MEF2D: variants seen among roughly 807,000 people sequenced by gnomAD.
MEF2D encodes myocyte enhancer factor 2D, also known as myocyte-specific enhancer factor 2D.
Under a neutral mutation model 59.3 loss-of-function variants are expected in MEF2D, and 10 were observed. The observed-to-expected ratio is 0.17, with a 90% confidence interval of 0.10 to 0.29. The LOEUF (loss-of-function observed/expected upper bound fraction) is 0.29, where lower values mean the gene tolerates loss of function less well. Ranked by LOEUF, MEF2D falls within the 10% of genes least tolerant of loss-of-function variation. The pLI, the probability that MEF2D is intolerant of heterozygous loss-of-function variation, is 1.00. For missense variants in MEF2D, 508 were observed against 699.4 expected (o/e 0.73, Z 3.09); for synonymous variants, 305 against 295.0 (o/e 1.03, Z -0.35).
rs1484869298 is a variant in MEF2D, at chr1:156,467,645, T to C, written c.1566A>G (p.Ter522TrpextTer11). 7.6e-7 allele frequency: 1 copy of C among 1,320,624 alleles called. No individual in the cohort carries two copies. The highest frequency in any genetic ancestry group is 2.8e-5 in the East Asian group (1 of 35,808). 81.8% of individuals were successfully genotyped at this position (1,320,624 alleles called of 1,614,324 possible). Residue 522 changes from the stop codon to tryptophan, a stop_lost, in exon 12 of 12, where the codon TGA becomes TGG. Transcript: ENST00000348159. ...GCTGAGAGGAGGGGAGTGGGAATCG[T>C]CACTTTAATGTCTGTGAAGAGAGGA... is the stretch of plus-strand genomic sequence containing the variant. The part of the protein sequence containing the change: ...RMRLDTWTLK[*>W]
chr1:156,494,678 A>G (rs780935760), intron 1 of MEF2D, among the ~76,000 whole-genome samples: 1 of 152,230 alleles, frequency 6.6e-6, no homozygotes, highest in Non-Finnish European at 1.5e-5. Context: ...GAGAGAAAAG[A>G]TGCAACCATC....
intron 4 of MEF2D, 199 bp downstream of exon 4, chr1:156,480,635 C>T (rs1412568433): frequency 7.8e-6 from 12 of 1,546,124 alleles, no homozygotes; most frequent in East Asian, 2.4e-5. Flanking sequence ...CTCCATGCGA[C>T]TACTCACGGC....
intron 1 of MEF2D, among the ~76,000 whole-genome samples, chr1:156,495,570 G>A (rs1039730602): frequency 6.6e-6 from 1 of 151,902 alleles, no homozygotes; most frequent in Non-Finnish European, 1.5e-5. Flanking sequence ...TACCTGGAAG[G>A]CTGAGGCCGG....
rs1671009286 is a variant in MEF2D at position 156,468,429 on chromosome 1, G to C, written c.1248-130C>G. 4 of 684,328 alleles carry C rather than the reference G, an allele frequency of 5.8e-6. No homozygotes were observed. Among genetic ancestry groups the C allele is most frequent in the East Asian group, 2.8e-5 (1 of 36,132 alleles). 42.4% of individuals were successfully genotyped at this position (684,328 alleles called of 1,614,324 possible). A position where few individuals can be genotyped will look rare whatever the true frequency, so the allele number is the denominator to read the frequency against. On this transcript the variant is annotated intron_variant, in intron 10 of 11. Transcript: ENST00000348159. This position sits in a 1 kb window ranked among gnomAD's most constrained non-coding sequence, Gnocchi z 4.3. ...ATGAGAATATGGGGGATGGGGTGTT[G>C]GGGAGAGGCAATTGGATGGAGAGTG...
chr1:156,476,628 T>G, intron 7 of MEF2D, 114 bp from the exon 8 acceptor site: 1 of 1,281,218 alleles, frequency 7.8e-7, no homozygotes, highest in Non-Finnish European at 1.1e-6. Flanking sequence ...AGGGTGGCTC[T>G]ACCCAGCCTA....
At chr1:156,491,510 AC>A (rs1054081860) in intron 1 of MEF2D, among the ~76,000 whole-genome samples, 1 of 151,994 alleles carries the variant, frequency 6.6e-6, no homozygotes, top group Non-Finnish European at 1.5e-5. Flanking sequence ...CTAAACAGTA[AC>A]CCCCCAACAG....
chr1:156,482,879 C>G (rs1672111049), intron 2 of MEF2D, among the ~76,000 whole-genome samples: 1 of 152,186 alleles, frequency 6.6e-6, no homozygotes, highest in Non-Finnish European at 1.5e-5. Context: ...TTCAGGTGGA[C>G]AGAACTCCAC....
chr1:156,497,601 G>A (rs1317436464), intron 1 of MEF2D, among the ~76,000 whole-genome samples: 1 of 152,198 alleles, frequency 6.6e-6, no homozygotes, highest in Non-Finnish European at 1.5e-5. Context: ...CTCTTTTCCA[G>A]TAAGGCCACC....
At chr1:156,473,138 C>T (rs973774410) in intron 9 of MEF2D, among the ~76,000 whole-genome samples, 1 of 152,124 alleles carries the variant, frequency 6.6e-6, no homozygotes, top group African/African-American at 2.4e-5. Context: ...CTGCCTCTGC[C>T]TCCAGAGCAG....
rs1473597557 is a variant in MEF2D at position 156,468,185 on chromosome 1, G to T, written c.1362C>A (p.Pro454=). 1.2e-6 allele frequency: 2 copies of T among 1,613,846 alleles called. No homozygotes were observed. The highest frequency in any genetic ancestry group is 1.7e-6 in the Non-Finnish European group (2 of 1,179,836). Residue 454 remains proline, a synonymous_variant, in exon 11 of 12, where the codon CCC becomes CCA. Coordinates refer to ENST00000348159, the MANE Select transcript of MEF2D (RefSeq NM_005920.4). The surrounding 1 kb of genome is among the most constrained non-coding windows in gnomAD (Gnocchi z 4.3). The part of the protein sequence containing the change: ...SPSRERSPAP[P]PPAVFPAARP... ...GGGCAGCTGGGAACACAGCTGGAGG[G>T]GGAGGCGCAGGGCTGCGCTCACGGC...
Position 156,477,208 on chromosome 1 carries a change from GAAGTGACAACAAGAGGGTAAA to G in MEF2D, c.665-27_665-7del, listed in dbSNP as rs780218322. 6.3e-7 allele frequency: 1 copy of G among 1,589,990 alleles called. No homozygotes were observed. Among genetic ancestry groups the G allele is most frequent in the East Asian group, 2.2e-5 (1 of 44,620 alleles). Reference sequence around the variant, plus strand: ...AGCACTGACGTAGCCATTCCCTGGAGAAGTGACAACAAGAGGGTAAAAGGAAAAACATGGGCCTATCCTTCA... The same window carrying G: ...AGCACTGACGTAGCCATTCCCTGGAGAGGAAAAACATGGGCCTATCCTTCA... On this transcript the variant is annotated splice_region_variant and splice_polypyrimidine_tract_variant and intron_variant, in intron 6 of 11. Transcript: ENST00000348159.
chr1:156,486,315 G>C (rs928436329), intron 1 of MEF2D, among the ~76,000 whole-genome samples: 4 of 151,414 alleles, frequency 2.6e-5, no homozygotes, highest in African/African-American at 7.4e-5. Context: ...GCAATCCAAA[G>C]ACTGTGCTTT....
chr1:156,482,054 A>G (rs1489310901), intron 3 of MEF2D, among the ~76,000 whole-genome samples: 1 of 152,268 alleles, frequency 6.6e-6, no homozygotes, highest in East Asian at 1.9e-4. Context: ...GGAGATTTAA[A>G]AAAGGAAGAG....
At chr1:156,487,001 C>T (rs1672415866) in intron 1 of MEF2D, among the ~76,000 whole-genome samples, 1 of 152,212 alleles carries the variant, frequency 6.6e-6, no homozygotes. Flanking sequence ...TACCCTCCAA[C>T]CACCCCTGGT....
chr1:156,494,121 T>C (rs577512673), intron 1 of MEF2D, among the ~76,000 whole-genome samples: 31 of 152,190 alleles, frequency 2.0e-4, no homozygotes, highest in African/African-American at 7.2e-4. Flanking sequence ...CCATCATCCC[T>C]CACCAAAAGC....
At chr1:156,482,025 GA>G (rs1672054765) in intron 3 of MEF2D, among the ~76,000 whole-genome samples, 1 of 152,268 alleles carries the variant, frequency 6.6e-6, no homozygotes, top group South Asian at 2.1e-4. Flanking sequence ...GAGACAGCAG[GA>G]GAGATGGAAA....
chr1:156,485,248 G>C (rs1213349900), intron 1 of MEF2D, among the ~76,000 whole-genome samples: 1 of 152,158 alleles, frequency 6.6e-6, no homozygotes, highest in African/African-American at 2.4e-5. Context: ...TGGCTGCTGA[G>C]TTTCCCTGGA....
intron 9 of MEF2D, among the ~76,000 whole-genome samples, chr1:156,471,380 T>G (rs1375855190): frequency 6.6e-6 from 1 of 152,184 alleles, no homozygotes; most frequent in Non-Finnish European, 1.5e-5. Flanking sequence ...CTGCCCACCC[T>G]GGCCTCCCAA....
chr1:156,468,406 G>A lies in MEF2D; in HGVS notation c.1248-107C>T, dbSNP rs74116850. 0.032 allele frequency: 25,721 copies of A among 804,744 alleles called. 852 individuals are homozygous for A. The highest frequency in any genetic ancestry group is 0.13 in the African/African-American group (7,639 of 57,952). 49.9% of individuals were successfully genotyped at this position (804,744 alleles called of 1,614,324 possible). A position where few individuals can be genotyped will look rare whatever the true frequency, so the allele number is the denominator to read the frequency against. On this transcript the variant is annotated intron_variant, in intron 10 of 11. Transcript: ENST00000348159. The surrounding 1 kb of genome is among the most constrained non-coding windows in gnomAD (Gnocchi z 4.3). ...AGAAAGTGAGAGAGAACAAGAGGAT[G>A]AGAATATGGGGGATGGGGTGTTGGG...
Sources: gnomAD v4.1 joint callset for allele counts (sites outside exome capture counted in the v4.1 genomes callset) on GRCh38, gnomAD v4.1.1 for gene constraint, Gnocchi (gnomAD v3.1) non-coding constraint, MANE v1.5 for transcripts, NCBI Gene and HGNC (gene_info 2026-07-23, HGNC 2026-07-21) for gene names.